FAM13A: variants seen among roughly 807,000 people sequenced by gnomAD.
FAM13A encodes the protein family with sequence similarity 13 member A, also known as protein FAM13A.
In FAM13A, 76 loss-of-function variants were observed where a neutral mutation model predicts 129.6. That is an observed-to-expected ratio of 0.59 (90% confidence interval 0.49 to 0.71). The LOEUF (loss-of-function observed/expected upper bound fraction) is 0.71. FAM13A is among the 30% of genes least tolerant of loss of function. The probability of loss-of-function intolerance (pLI) is 0.00; values close to 1 mark genes in which losing one functional copy is unlikely to be tolerated. For synonymous variants in FAM13A, 443 were observed against 449.9 expected, an observed-to-expected ratio of 0.98 and a Z score of 0.20; for missense variants, 1,108 against 1,249.3, an observed-to-expected ratio of 0.89 and a Z score of 1.70.
At chr4:89,050,037 A>G (rs1306990422) in intron 1 of FAM13A, among the ~76,000 whole-genome samples, 2 of 152,222 alleles carry the variant, frequency 1.3e-5, no homozygotes, top group African/African-American at 4.8e-5. Flanking sequence ...ACTGAGAAAG[A>G]CAAATAGTAC....
chr4:89,052,084 C>T (rs903992087), intron 1 of FAM13A, among the ~76,000 whole-genome samples: 3 of 151,790 alleles, frequency 2.0e-5, no homozygotes, highest in Non-Finnish European at 1.5e-5. Flanking sequence ...ACTCTGGGCA[C>T]CGGCAGAGAC....
At chr4:88,810,719 A>G (rs954127386) in intron 7 of FAM13A, among the ~76,000 whole-genome samples, 1 of 152,166 alleles carries the variant, frequency 6.6e-6, no homozygotes, top group Non-Finnish European at 1.5e-5. Context: ...TGTATTCAAA[A>G]GTCTATCTAA....
intron 3 of FAM13A, among the ~76,000 whole-genome samples, chr4:89,012,878 A>G (rs1765918510): frequency 6.6e-6 from 1 of 152,180 alleles, no homozygotes; most frequent in Non-Finnish European, 1.5e-5. Context: ...TAAAAAAAAA[A>G]GAAATGTAGC....
chr4:88,990,795 C>G (rs1762833284), intron 4 of FAM13A, 178 bp downstream of exon 4: 1 of 477,846 alleles, frequency 2.1e-6, no homozygotes. Context: ...GCATAGCTAC[C>G]TTCTTCAAAT....
At chr4:88,975,174 T>C (rs1160549737) in intron 4 of FAM13A, among the ~76,000 whole-genome samples, 1 of 152,190 alleles carries the variant, frequency 6.6e-6, no homozygotes, top group East Asian at 1.9e-4. Context: ...AGAAAAATTG[T>C]GTGACTTTCT....
chr4:89,001,170 G>A (rs1169988880), intron 3 of FAM13A, among the ~76,000 whole-genome samples: 2 of 152,194 alleles, frequency 1.3e-5, no homozygotes, highest in African/African-American at 2.4e-5. Flanking sequence ...GGTCATGGGT[G>A]GTTATAGATA....
At chr4:89,019,317 C>T (rs982441334) in intron 3 of FAM13A, among the ~76,000 whole-genome samples, 1 of 152,128 alleles carries the variant, frequency 6.6e-6, no homozygotes, top group Admixed American at 6.5e-5. Context: ...CTTAATCTGG[C>T]AACGAATACT....
At chr4:89,043,956 G>T (rs939481657) in intron 1 of FAM13A, among the ~76,000 whole-genome samples, 1 of 152,010 alleles carries the variant, frequency 6.6e-6, no homozygotes, top group African/African-American at 2.4e-5. Context: ...CAGCAAGCTG[G>T]GCATGGTGGC....
At chr4:89,010,168 C>G (rs1765551899) in intron 3 of FAM13A, among the ~76,000 whole-genome samples, 1 of 152,018 alleles carries the variant, frequency 6.6e-6, no homozygotes, top group South Asian at 2.1e-4. Context: ...ATGTACTGAC[C>G]TTGTATGGAA....
intron 5 of FAM13A, among the ~76,000 whole-genome samples, chr4:88,909,482 T>C (rs532460929): frequency 6.2e-4 from 95 of 152,018 alleles, no homozygotes; most frequent in Non-Finnish European, 1.2e-3. Flanking sequence ...CTGATGTACA[T>C]GAGGTTTTTT....
intron 4 of FAM13A, among the ~76,000 whole-genome samples, chr4:88,953,573 A>T (rs543079176): frequency 2.6e-4 from 40 of 152,348 alleles, no homozygotes; most frequent in African/African-American, 9.4e-4. Context: ...GTGGTGAAAC[A>T]GATCTCCAGA....
chr4:88,838,560 T>C (rs1735229258), intron 7 of FAM13A, among the ~76,000 whole-genome samples: 1 of 151,978 alleles, frequency 6.6e-6, no homozygotes, highest in Non-Finnish European at 1.5e-5. Flanking sequence ...CCCGCCTCTA[T>C]TAAAAACTAC....
At chr4:88,806,122 C>G (rs1202294385) in intron 7 of FAM13A, among the ~76,000 whole-genome samples, 1 of 152,054 alleles carries the variant, frequency 6.6e-6, no homozygotes, top group African/African-American at 2.4e-5. Flanking sequence ...TAAAATTATG[C>G]ACTCATAAAA....
chr4:88,738,267 G>C (rs796578784), intron 20 of FAM13A, among the ~76,000 whole-genome samples: 4 of 152,320 alleles, frequency 2.6e-5, no homozygotes, highest in African/African-American at 9.6e-5. Context: ...CTGCTAAAGA[G>C]CCTAAAAGCC....
intron 7 of FAM13A, among the ~76,000 whole-genome samples, chr4:88,826,311 TTAAA>T (rs1291775542): frequency 1.5e-5 from 1 of 65,296 alleles, no homozygotes; most frequent in Non-Finnish European, 2.4e-5. Flanking sequence ...GCACGTAGGA[TTAAA>T]AAAAAAAAAA....
In FAM13A at chr4:89,049,481, C is replaced by T. The variant is rs367863915; in HGVS notation, c.27+7457G>A. Among the ~76,000 whole-genome samples the T allele has an allele frequency of 5.3e-5, 8 of 152,250 alleles. No homozygotes were observed. The East Asian group carries it at 7.7e-4, about 15-fold the overall frequency. On this transcript the variant is annotated intron_variant, in intron 1 of 23. Transcript: ENST00000264344. ...TTTACATTTTAACTAAAACTTCTTT[C>T]CTAAACATTAAAGAAATATTTGGAA...
At chr4:88,731,486 GATGA>G (rs1229615591) in intron 22 of FAM13A, 58 bp from the exon 23 acceptor site, 5 of 1,013,660 alleles carry the variant, frequency 4.9e-6, no homozygotes, top group African/African-American at 3.2e-5. Context: ...TCATAAATGT[GATGA>G]ATGTGTAACT....
At chr4:88,792,150 T>G (rs1481190041) in intron 8 of FAM13A, among the ~76,000 whole-genome samples, 4 of 152,122 alleles carry the variant, frequency 2.6e-5, no homozygotes, top group Admixed American at 1.3e-4. Context: ...CTGTGCTAAG[T>G]ACTTTTACAT....
intron 6 of FAM13A, among the ~76,000 whole-genome samples, chr4:88,878,071 C>T (rs932641506): frequency 3.1e-4 from 47 of 151,974 alleles, no homozygotes; most frequent in African/African-American, 8.7e-4. Context: ...GGGCGGATCA[C>T]GAGGTCAGGA....
Sources: gnomAD v4.1 joint callset for allele counts (sites outside exome capture counted in the v4.1 genomes callset) on GRCh38, gnomAD v4.1.1 for gene constraint, MANE v1.5 for transcripts, NCBI Gene and HGNC (gene_info 2026-07-23, HGNC 2026-07-21) for gene names.